Variants in COL15A1 observed in about 807,000 individuals in gnomAD.
COL15A1 encodes the protein collagen type XV alpha 1 chain.
COL15A1 carries 111 observed loss-of-function variants against 165.9 expected under a neutral mutation model. The observed-to-expected ratio is 0.67, with a 90% CI of 0.57 to 0.78. The LOEUF (loss-of-function observed/expected upper bound fraction) is 0.78. COL15A1 is among the 30% of genes least tolerant of loss of function. The pLI, the probability that COL15A1 is intolerant of heterozygous loss-of-function variation, is 0.00. For missense variants in COL15A1, 1,745 were observed against 1,789.7 expected (o/e 0.98, Z 0.45); for synonymous variants, 659 against 674.8 (o/e 0.98, Z 0.36).
chr9:98,999,492 T>C (rs1448895474), intron 6 of COL15A1, among the ~76,000 whole-genome samples: 1 of 151,570 alleles, frequency 6.6e-6, no homozygotes, highest in African/African-American at 2.4e-5. Flanking sequence ...CGTGCAGTCA[T>C]GGTAGTACAA....
chr9:98,981,033 G>A (rs1010758540), intron 2 of COL15A1, among the ~76,000 whole-genome samples: 2 of 152,188 alleles, frequency 1.3e-5, no homozygotes, highest in East Asian at 1.9e-4. Context: ...AGGTAAGCAG[G>A]AGGAGATGTG....
chr9:99,015,811 C>G (rs1457146361), intron 10 of COL15A1, among the ~76,000 whole-genome samples, 165 bp from the exon 11 acceptor site: 1 of 152,206 alleles, frequency 6.6e-6, no homozygotes, highest in Non-Finnish European at 1.5e-5. Flanking sequence ...GGCACTGAGG[C>G]TTAGAAGAGA....
At position 99,070,360 on chromosome 9, in the gene COL15A1, G is replaced by T; in HGVS notation, c.*474G>T. ...CATCCATCATTTGCAACTGCTGTTC[G>T]TACACAGAAACAGGACTGCTCAAAT... On this transcript the variant is annotated 3_prime_UTR_variant, in exon 42 of 42. Coordinates refer to ENST00000375001, the MANE Select transcript of COL15A1 (RefSeq NM_001855.5). The T allele has an allele frequency of 4.3e-6, 1 of 233,132 alleles. No individual in the cohort carries two copies. Among genetic ancestry groups the T allele is most frequent in the Non-Finnish European group, 8.7e-6 (1 of 115,004 alleles). The allele number at this position is 233,132 out of a possible 1,614,324, so 14.4% of individuals were successfully genotyped here.
At chr9:99,015,645 T>G in intron 10 of COL15A1, 79 bp downstream of exon 10, 1 of 1,396,642 alleles carries the variant, frequency 7.2e-7, no homozygotes, top group Admixed American at 1.9e-5. Context: ...ATCCTTGGCC[T>G]TGGCAGGGGC....
chr9:99,025,859 A>G, intron 15 of COL15A1, 45 bp from the exon 16 acceptor site: 2 of 1,595,050 alleles, frequency 1.3e-6, no homozygotes, highest in Non-Finnish European at 1.7e-6. Context: ...TGTATGTGAT[A>G]TTTAGCAGAA....
chr9:98,987,178 T>A, intron 3 of COL15A1, 116 bp from the exon 4 acceptor site: 1 of 984,466 alleles, frequency 1.0e-6, no homozygotes, highest in South Asian at 1.5e-5. Context: ...AGGCTGTACA[T>A]CCTCATTCCC....
At chr9:99,036,041 G>A (rs751305052) in intron 19 of COL15A1, 129 bp from the exon 20 acceptor site, 30 of 732,938 alleles carry the variant, frequency 4.1e-5, no homozygotes, top group East Asian at 1.6e-4. Flanking sequence ...GGCATTTTTC[G>A]CTTATTCTTG....
At chr9:99,022,179 A>G (rs757914833) in intron 13 of COL15A1, 29 bp downstream of exon 13, 1 of 1,614,052 alleles carries the variant, frequency 6.2e-7, no homozygotes, top group Non-Finnish European at 8.5e-7. Context: ...CTTGTCACAC[A>G]CACAGGTGTA....
chr9:98,955,170 G>C (rs1837755893), intron 2 of COL15A1, among the ~76,000 whole-genome samples: 2 of 152,248 alleles, frequency 1.3e-5, no homozygotes, highest in Non-Finnish European at 2.9e-5. Flanking sequence ...CCTGGGTGCA[G>C]TCTAAGATGC....
At chr9:98,974,570 G>C (rs1372084680) in intron 2 of COL15A1, among the ~76,000 whole-genome samples, 1 of 152,184 alleles carries the variant, frequency 6.6e-6, no homozygotes, top group Non-Finnish European at 1.5e-5. Context: ...AGAGGAGGGG[G>C]ACTGAGCACC....
At chr9:98,960,235 A>C (rs10118108) in intron 2 of COL15A1, among the ~76,000 whole-genome samples, 52,451 of 151,458 alleles carry the variant, frequency 0.35, 9,192 homozygotes, top group Non-Finnish European at 0.38. Context: ...TAGTGAGACA[A>C]CATCTCTATA....
At chr9:99,005,341 T>A (rs2118958830) in intron 9 of COL15A1, among the ~76,000 whole-genome samples, 1 of 152,042 alleles carries the variant, frequency 6.6e-6, no homozygotes, top group Non-Finnish European at 1.5e-5. Context: ...GGAGCCAGAA[T>A]GGAGGAGTGG....
chr9:99,052,411 T>A lies in COL15A1; in HGVS notation c.2928T>A (p.Ser976Arg), dbSNP rs1284283710. The change falls in exon 31 of 42, where the codon AGT becomes AGA. Residue 976 changes from serine to arginine, a missense_variant. By Grantham distance (110) the Ser-to-Arg change is moderately radical. Transcript: ENST00000375001. Reference protein sequence around the residue: ...KMPVDTAHPGSPELITFHGVK... With the variant: ...KMPVDTAHPGRPELITFHGVK... The stretch of plus-strand genomic sequence containing the variant: ...AGGTTGATACTGCTCATCCTGGGAG[T>A]CCAGAGCTCATCACTTTTCACGGTA... 1 of 1,612,216 alleles carries A rather than the reference T, an allele frequency of 6.2e-7. No individual in the cohort carries two copies. Among genetic ancestry groups the A allele is most frequent in the Non-Finnish European group, 8.5e-7 (1 of 1,178,448 alleles).
chr9:98,983,141 A>G (rs968422901), intron 2 of COL15A1, among the ~76,000 whole-genome samples: 1 of 152,160 alleles, frequency 6.6e-6, no homozygotes, highest in Non-Finnish European at 1.5e-5. Context: ...TGTAACCTAG[A>G]TATTCCATAA....
chr9:99,031,515 T>C (rs1226927560), intron 16 of COL15A1, among the ~76,000 whole-genome samples: 3 of 151,908 alleles, frequency 2.0e-5, no homozygotes, highest in Non-Finnish European at 4.4e-5. Flanking sequence ...AAGGGGGAGA[T>C]TGTTGCGTGG....
intron 2 of COL15A1, among the ~76,000 whole-genome samples, chr9:98,945,048 T>A (rs147728393): frequency 6.6e-6 from 1 of 152,338 alleles, no homozygotes; most frequent in East Asian, 1.9e-4. Flanking sequence ...CCATTTTACC[T>A]TCCTAGAAAT....
At chr9:99,023,517 G>A (rs181995402) in intron 14 of COL15A1, 68 bp downstream of exon 14, 15 of 774,186 alleles carry the variant, frequency 1.9e-5, no homozygotes, top group South Asian at 9.1e-5. Context: ...AGGGAGGGAC[G>A]TGGGGGCCAG....
chr9:98,952,317 G>A (rs992689859), intron 2 of COL15A1, among the ~76,000 whole-genome samples: 35 of 152,200 alleles, frequency 2.3e-4, no homozygotes, highest in African/African-American at 6.5e-4. Flanking sequence ...TTCTTCAATA[G>A]TGTAATAACT....
chr9:99,061,438 A>T (rs1474339097), intron 36 of COL15A1, among the ~76,000 whole-genome samples: 1 of 152,204 alleles, frequency 6.6e-6, no homozygotes, highest in African/African-American at 2.4e-5. Context: ...GAAATTACAG[A>T]CCTCCATTTT....
Sources: allele counts gnomAD v4.1 joint callset (sites outside exome capture counted in the v4.1 genomes callset), GRCh38; gene constraint gnomAD v4.1.1; transcripts MANE v1.5; gene names NCBI Gene and HGNC (gene_info 2026-07-23, HGNC 2026-07-21).